The following MAST3 variants were observed in gnomAD, a reference collection of about 807,000 sequenced individuals.
The protein encoded by MAST3 is microtubule associated serine/threonine kinase 3, also known as microtubule-associated serine/threonine-protein kinase 3.
In MAST3, 43 loss-of-function variants were observed where a neutral mutation model predicts 127.0. The ratio of observed to expected loss-of-function variants is 0.34; its 90% CI spans 0.27 to 0.44. MAST3 has a LOEUF of 0.44. MAST3 is among the 20% of genes least tolerant of loss of function. The probability of loss-of-function intolerance (pLI) is 1.00; values close to 1 mark genes in which losing one functional copy is unlikely to be tolerated. For synonymous variants in MAST3, 785 were observed against 809.2 expected, an observed-to-expected ratio of 0.97 and a Z score of 0.51; for missense variants, 1,390 against 1,919.1, an observed-to-expected ratio of 0.72 and a Z score of 5.15.
chr19:18,115,535 A>G (rs1470067512), intron 3 of MAST3, among the ~76,000 whole-genome samples: 3 of 152,140 alleles, frequency 2.0e-5, no homozygotes, highest in East Asian at 3.9e-4. Flanking sequence ...TGCACCCCGC[A>G]TGAGGCTTGG....
intron 18 of MAST3, 142 bp downstream of exon 18, chr19:18,135,983 G>A: frequency 1.6e-6 from 1 of 612,952 alleles, no homozygotes; most frequent in Non-Finnish European, 2.9e-6. Context: ...GGGTTTTGAA[G>A]GATGCACAGG....
intron 19 of MAST3, 40 bp downstream of exon 19, chr19:18,137,401 C>T: frequency 1.3e-6 from 2 of 1,596,804 alleles, no homozygotes; most frequent in South Asian, 2.3e-5. Context: ...GGGGGGTGCT[C>T]TGCCATCCCT....
At chr19:18,126,659 C>A (rs567762069) in intron 11 of MAST3, among the ~76,000 whole-genome samples, 1 of 152,316 alleles carries the variant, frequency 6.6e-6, no homozygotes, top group African/African-American at 2.4e-5. Context: ...GTCCTAGCTA[C>A]TTGCGGGGCT....
chr19:18,134,093 G>T (rs1450551241), intron 15 of MAST3, among the ~76,000 whole-genome samples: 2 of 151,992 alleles, frequency 1.3e-5, no homozygotes, highest in Non-Finnish European at 2.9e-5. Context: ...GTTTGCTCCA[G>T]CTCTGTAAAG....
At position 18,110,806 on chromosome 19, in the gene MAST3, C is replaced by T; in HGVS notation, c.161+65C>T. The T allele has an allele frequency of 1.2e-6, 1 of 819,076 alleles. No individual in the cohort carries two copies. Among genetic ancestry groups the T allele is most frequent in the Non-Finnish European group, 1.5e-6 (1 of 677,704 alleles). The allele number at this position is 819,076 out of a possible 1,614,324, so 50.7% of individuals were successfully genotyped here. ...CTGGCACCCCAGAGCCTTGGAAACC[C>T]TCCAGACTCATCGGTCTCCTCAAGA... On this transcript the variant is annotated intron_variant, in intron 3 of 27. Transcript: ENST00000687212. The surrounding 1 kb of genome is among the most constrained non-coding windows in gnomAD (Gnocchi z 4.3).
chr19:18,127,505 G>A (rs552959628), intron 11 of MAST3, among the ~76,000 whole-genome samples: 6 of 152,104 alleles, frequency 3.9e-5, no homozygotes, highest in South Asian at 4.1e-4. Context: ...CCAATGTGGT[G>A]AAACCCCATC....
At position 18,145,713 on chromosome 19, in the gene MAST3, A is replaced by G; in HGVS notation, c.3040-30A>G. 6.5e-7 allele frequency: 1 copy of G among 1,550,080 alleles called. No individual in the cohort carries two copies. Among genetic ancestry groups the G allele is most frequent in the Non-Finnish European group, 8.7e-7 (1 of 1,154,486 alleles). On this transcript the variant is annotated intron_variant, in intron 24 of 27. Coordinates refer to ENST00000687212, the MANE Select transcript of MAST3 (RefSeq NM_001393504.1). The surrounding 1 kb of genome is among the most constrained non-coding windows in gnomAD (Gnocchi z 5.9). Reference sequence around the variant, plus strand: ...GGTCCCCAGATGTGGGGCCCAGGCCATTGACCCCACCGTTCTCGTCTGCCC... The same window carrying G: ...GGTCCCCAGATGTGGGGCCCAGGCCGTTGACCCCACCGTTCTCGTCTGCCC...
Position 18,130,479 on chromosome 19 carries a change from G to A in MAST3, c.1224-15G>A, listed in dbSNP as rs760318312. The stretch of plus-strand genomic sequence containing the variant: ...TCGATCTCCGGTCCCAGCAAGCCTG[G>A]CCCTCTGTCCCCAGGGCCGTCTACC... On this transcript the variant is annotated splice_polypyrimidine_tract_variant and intron_variant, in intron 13 of 27. Coordinates refer to ENST00000687212, the MANE Select transcript of MAST3 (RefSeq NM_001393504.1). The A allele has an allele frequency of 3.2e-6, 5 of 1,580,232 alleles. No individual in the cohort carries two copies. The East Asian group carries it at 9.2e-5, about 29-fold the overall frequency.
chr19:18,140,021 G>A (rs1232851223), intron 20 of MAST3, among the ~76,000 whole-genome samples: 29 of 149,694 alleles, frequency 1.9e-4, no homozygotes, highest in African/African-American at 5.4e-4. Flanking sequence ...GGGTTTCACC[G>A]TGTTAGCCAG....
At position 18,131,754 on chromosome 19, in the gene MAST3, C is replaced by T. The variant is rs541309803; in HGVS notation, c.1433-155C>T. Among the ~76,000 whole-genome samples, 20 of 152,256 alleles carry T rather than the reference C, an allele frequency of 1.3e-4. 2 individuals are homozygous for T. Among genetic ancestry groups the T allele is most frequent in the Admixed American group, 1.3e-3 (20 of 15,276 alleles). ...AAATGAAGGTAGGGTCCGCCCCTTC[C>T]CTCTCCCCCGACCCTCCCCGCTGAG... On this transcript the variant is annotated intron_variant, in intron 14 of 27. Transcript: ENST00000687212.
intron 1 of MAST3, among the ~76,000 whole-genome samples, chr19:18,105,351 G>A (rs1320645650): frequency 6.6e-6 from 1 of 151,942 alleles, no homozygotes; most frequent in African/African-American, 2.4e-5. Flanking sequence ...TGGCGATACA[G>A]TGAGACTCCA....
At position 18,110,019 on chromosome 19, in the gene MAST3, C is replaced by A; in HGVS notation, c.72-633C>A. 1.0e-6 allele frequency: 1 copy of A among 985,366 alleles called. No homozygotes were observed. Among genetic ancestry groups the A allele is most frequent in the Non-Finnish European group, 1.2e-6 (1 of 829,892 alleles). 61.0% of individuals were successfully genotyped at this position (985,366 alleles called of 1,614,324 possible). A position where few individuals can be genotyped will look rare whatever the true frequency, so the allele number is the denominator to read the frequency against. Reference sequence around the variant, plus strand: ...GGGCGCAGCTCGGGGGCTCCCAAGCCGGCGGCCTCGGCGTCCCTGCGGCAG... The same window carrying A: ...GGGCGCAGCTCGGGGGCTCCCAAGCAGGCGGCCTCGGCGTCCCTGCGGCAG... On this transcript the variant is annotated intron_variant, in intron 2 of 27. Coordinates refer to ENST00000687212, the MANE Select transcript of MAST3 (RefSeq NM_001393504.1). The surrounding 1 kb of genome is among the most constrained non-coding windows in gnomAD (Gnocchi z 4.3).
At chr19:18,105,228 A>C (rs2037973410) in intron 1 of MAST3, among the ~76,000 whole-genome samples, 1 of 152,086 alleles carries the variant, frequency 6.6e-6, no homozygotes, top group African/African-American at 2.4e-5. Context: ...TTAGCCAGGC[A>C]TGCTGGCACA....
At chr19:18,123,818 C>A in intron 8 of MAST3, 121 bp from the exon 9 acceptor site, 2 of 1,075,758 alleles carry the variant, frequency 1.9e-6, no homozygotes, top group Non-Finnish European at 2.7e-6. Flanking sequence ...CACCAGCCCT[C>A]CCACCCGATC....
Position 18,149,327 on chromosome 19 carries a change from C to A in MAST3, c.3645C>A (p.Arg1215=), listed in dbSNP as rs2043351680. The change falls in exon 28 of 28, where the codon CGC becomes CGA. Residue 1215 remains arginine (R), a synonymous_variant. Transcript: ENST00000687212. The surrounding 1 kb of genome is among the most constrained non-coding windows in gnomAD (Gnocchi z 5.9). ...KLGPPRPKTG[R]RKSTSSIPPS... ...GGCCACCCCGCCCCAAGACTGGCCG[C>A]CGCAAGTCCACCAGCAGCATCCCGC... 6.6e-7 allele frequency: 1 copy of A among 1,526,478 alleles called. No individual in the cohort carries two copies. 94.6% of individuals were successfully genotyped at this position (1,526,478 alleles called of 1,614,324 possible). A position where few individuals can be genotyped will look rare whatever the true frequency, so the allele number is the denominator to read the frequency against.
At chr19:18,117,636 C>G (rs1194238605) in intron 3 of MAST3, among the ~76,000 whole-genome samples, 1 of 152,178 alleles carries the variant, frequency 6.6e-6, no homozygotes, top group Non-Finnish European at 1.5e-5. Context: ...TAGCATGAGC[C>G]GGCCAGGACG....
rs2040249230 is a variant in MAST3, at chr19:18,123,624, T to C, written c.602T>C (p.Met201Thr). The change falls in exon 8 of 28, where the codon ATG (methionine) becomes ACG (threonine). Residue 201 changes from methionine to threonine, a missense_variant. Physicochemically the swap from Met to Thr is moderately conservative, Grantham distance 81. Coordinates refer to ENST00000687212, the MANE Select transcript of MAST3 (RefSeq NM_001393504.1). ...ACCTTCGACAATGAGATTGTCATGATGAATCACGTGTACCGGGAGAGGTTC... is the reference window on the plus strand; with the variant it reads ...ACCTTCGACAATGAGATTGTCATGACGAATCACGTGTACCGGGAGAGGTTC... Reference protein sequence around the residue: ...TGTFDNEIVMMNHVYRERFPK... With the variant: ...TGTFDNEIVMTNHVYRERFPK... 1 of 1,595,930 alleles carries C rather than the reference T, an allele frequency of 6.3e-7. No homozygotes were observed.
At chr19:18,137,451 C>A in intron 19 of MAST3, 90 bp downstream of exon 19, 2 of 1,430,558 alleles carry the variant, frequency 1.4e-6, no homozygotes, top group Non-Finnish European at 9.5e-7. Context: ...AGGCATTCCA[C>A]CCGAGCTTGG....
intron 15 of MAST3, among the ~76,000 whole-genome samples, chr19:18,132,877 C>T (rs1438786859): frequency 2.9e-4 from 44 of 152,106 alleles, no homozygotes; most frequent in Non-Finnish European, 5.9e-5. Flanking sequence ...CCAAGGCGGG[C>T]GGATCACCTG....
Sources: gnomAD v4.1 joint callset for allele counts (sites outside exome capture counted in the v4.1 genomes callset) on GRCh38, gnomAD v4.1.1 for gene constraint, Gnocchi (gnomAD v3.1) non-coding constraint, MANE v1.5 for transcripts, NCBI Gene and HGNC (gene_info 2026-07-23, HGNC 2026-07-21) for gene names.